Variants in NUP107 observed in about 807,000 individuals in gnomAD.
NUP107 encodes nuclear pore complex protein Nup107.
A neutral mutation model predicts 141.0 loss-of-function variants in NUP107; 101 were observed. The ratio of observed to expected loss-of-function variants is 0.72; its 90% CI spans 0.61 to 0.84. The LOEUF (loss-of-function observed/expected upper bound fraction) is 0.84. Ranked by LOEUF, NUP107 falls within the 40% of genes least tolerant of loss-of-function variation. The pLI is 0.00. For synonymous variants in NUP107, 319 were observed against 363.9 expected, an observed-to-expected ratio of 0.88 and a Z score of 1.41; for missense variants, 941 against 1,102.7, an observed-to-expected ratio of 0.85 and a Z score of 2.08.
intron 26 of NUP107, 73 bp downstream of exon 26, chr12:68,735,417 C>T: frequency 9.7e-7 from 1 of 1,033,736 alleles, no homozygotes; most frequent in East Asian, 2.4e-5. Context: ...TATTCTGTCT[C>T]TAAATGGGAG....
intron 3 of NUP107, 83 bp downstream of exon 3, chr12:68,689,702 G>A: frequency 1.1e-6 from 1 of 883,598 alleles, no homozygotes; most frequent in Non-Finnish European, 1.8e-6. Flanking sequence ...AATTAGTATA[G>A]TATTTGGTTA....
intron 7 of NUP107, among the ~76,000 whole-genome samples, chr12:68,701,766 T>G (rs1357147343): frequency 6.6e-6 from 1 of 152,174 alleles, no homozygotes; most frequent in African/African-American, 2.4e-5. Flanking sequence ...CATATTGTTA[T>G]ATGAAAACTG....
chr12:68,720,485 G>A (rs950301154), intron 14 of NUP107, among the ~76,000 whole-genome samples: 7 of 152,104 alleles, frequency 4.6e-5, no homozygotes, highest in Admixed American at 3.3e-4. Flanking sequence ...TGGACACTAA[G>A]TCATAAGGGT....
At chr12:68,736,717 C>CGTTTTTTTTTTTTTTT (rs1878083915) in intron 26 of NUP107, among the ~76,000 whole-genome samples, 1 of 105,894 alleles carries the variant, frequency 9.4e-6, no homozygotes, top group African/African-American at 3.8e-5. Context: ...GTGTCGCCAC[C>CGTTTTTTTTTTTTTTT]TTTTTTTTTT....
chr12:68,732,528 A>G (rs935916265), intron 22 of NUP107, 109 bp from the exon 23 acceptor site: 1 of 537,838 alleles, frequency 1.9e-6, no homozygotes, highest in African/African-American at 1.9e-5. Flanking sequence ...TTGAGAGAAA[A>G]TGATGTTTAC....
rs902143727 is a variant in NUP107, at chr12:68,736,713, C to T, written c.2502+1369C>T. ...ATTACAGGCATGAGTCAATGTGTCGCCACCTTTTTTTTTTTTTTTTTTTTT... is the reference window on the plus strand; with the variant it reads ...ATTACAGGCATGAGTCAATGTGTCGTCACCTTTTTTTTTTTTTTTTTTTTT... On this transcript the variant is annotated intron_variant, in intron 26 of 27. Coordinates refer to ENST00000229179, the MANE Select transcript of NUP107 (RefSeq NM_020401.4). 2.1e-5 allele frequency among the ~76,000 whole-genome samples: 3 copies of T among 142,262 alleles called. No homozygotes were observed. In the South Asian group the frequency reaches 6.8e-4, roughly 32 times the overall value. 93.3% of individuals were successfully genotyped at this position (142,262 alleles called of 152,430 possible).
At position 68,741,814 on chromosome 12, in the gene NUP107, A is replaced by T. The variant is rs777084246; in HGVS notation, c.2504A>T (p.Asp835Val). 1 of 1,610,114 alleles carries T rather than the reference A, an allele frequency of 6.2e-7. No individual in the cohort carries two copies. Among genetic ancestry groups the T allele is most frequent in the Non-Finnish European group, 8.5e-7 (1 of 1,178,578 alleles). The change falls in exon 27 of 28, where the codon GAT (aspartate) becomes GTT (valine). Residue 835 changes from aspartate to valine, a missense_variant and splice_region_variant. Coordinates refer to ENST00000229179, the MANE Select transcript of NUP107 (RefSeq NM_020401.4). Reference protein sequence around the residue: ...DGGWMVDVREDAKEDHERTHQ... With the variant: ...DGGWMVDVREVAKEDHERTHQ... ...TGATTTATTGATGTCTGTTTGTAGG[A>T]TGCCAAAGAAGACCATGAAAGAACA...
At position 68,691,977 on chromosome 12, in the gene NUP107, C is replaced by T. The variant is rs371390504; in HGVS notation, c.313C>T (p.Leu105=). ...FFGNLSMVTN[L]DDSNWAAAFS... is the part of the protein sequence containing the mutation. ...TTTGTTTTTTTTTAAGGTTACTAAT[C>T]TGGATGACAGTAACTGGGCAGCTGC... Residue 105 remains leucine (L), a synonymous_variant, in exon 5 of 28, where the codon CTG becomes TTG. Transcript: ENST00000229179. 48 of 1,594,018 alleles carry T rather than the reference C, an allele frequency of 3.0e-5. No individual in the cohort carries two copies. The highest frequency in any genetic ancestry group is 3.9e-5 in the Non-Finnish European group (46 of 1,174,576).
chr12:68,726,376 G>A, intron 18 of NUP107, 123 bp from the exon 19 acceptor site: 1 of 643,740 alleles, frequency 1.6e-6, no homozygotes, highest in Admixed American at 2.8e-5. Context: ...TTATATCATG[G>A]CTATTAATTA....
In NUP107 at chr12:68,719,353, T is replaced by C. The variant is rs778115712; in HGVS notation, c.1096T>C (p.Cys366Arg). ...AGMTEEAQRL[C>R]KRCGQAWRAA... Reference sequence around the variant, plus strand: ...CTTGTTTTCTAAGGCACAACGACTCTGTAAACGCTGTGGTCAAGCATGGAG... The same window carrying C: ...CTTGTTTTCTAAGGCACAACGACTCCGTAAACGCTGTGGTCAAGCATGGAG... Residue 366 changes from cysteine to arginine, a missense_variant, in exon 13 of 28, where the codon TGT becomes CGT. By Grantham distance (180) the Cys-to-Arg change is radical. Coordinates refer to ENST00000229179, the MANE Select transcript of NUP107 (RefSeq NM_020401.4). 2 of 1,614,098 alleles carry C rather than the reference T, an allele frequency of 1.2e-6. No individual in the cohort carries two copies. Among genetic ancestry groups the C allele is most frequent in the South Asian group, 1.1e-5 (1 of 91,080 alleles).
chr12:68,710,176 A>C, intron 10 of NUP107, 83 bp downstream of exon 10: 1 of 721,004 alleles, frequency 1.4e-6, no homozygotes, highest in Non-Finnish European at 2.4e-6. Context: ...TTCAGTTTTT[A>C]CTTTGTTCAC....
intron 8 of NUP107, chr12:68,706,724 G>T (rs1876599897): frequency 4.0e-6 from 3 of 754,636 alleles, no homozygotes; most frequent in South Asian, 1.3e-5. Flanking sequence ...GCAGGACATG[G>T]CACGGCAGCT....
intron 5 of NUP107, among the ~76,000 whole-genome samples, chr12:68,696,105 C>T (rs1290883903): frequency 2.0e-5 from 3 of 152,072 alleles, no homozygotes; most frequent in East Asian, 3.9e-4. Flanking sequence ...GTGGCTCACG[C>T]TTATAATCCC....
At chr12:68,726,019 T>G (rs1191140621) in intron 18 of NUP107, among the ~76,000 whole-genome samples, 2 of 152,066 alleles carry the variant, frequency 1.3e-5, no homozygotes, top group Non-Finnish European at 2.9e-5. Context: ...GTATTTTTAG[T>G]AGAGACGGGG....
intron 8 of NUP107, chr12:68,705,556 T>C (rs2136013149): frequency 5.1e-6 from 1 of 196,218 alleles, no homozygotes; most frequent in East Asian, 1.5e-4. Context: ...AAAAAAAGAA[T>C]CACCAAGAAG....
rs756512028 is a variant in NUP107 at position 68,691,955 on chromosome 12, G to GTT, written c.304-5_304-4dup. ...CACTTTTCTGTATTTTTACTTTTTT[G>GTT]TTTTTTTTTAAGGTTACTAATCTGG... On this transcript the variant is annotated splice_polypyrimidine_tract_variant and intron_variant, in intron 4 of 27. Coordinates refer to ENST00000229179, the MANE Select transcript of NUP107 (RefSeq NM_020401.4). The GTT allele has an allele frequency of 1.1e-5, 16 of 1,501,580 alleles. No individual in the cohort carries two copies. Among genetic ancestry groups the GTT allele is most frequent in the Admixed American group, 2.1e-5 (1 of 46,832 alleles). The allele number at this position is 1,501,580 out of a possible 1,614,324, so 93.0% of individuals were successfully genotyped here.
chr12:68,698,789 G>A (rs1389925973), intron 6 of NUP107, among the ~76,000 whole-genome samples: 3 of 152,158 alleles, frequency 2.0e-5, no homozygotes, highest in Non-Finnish European at 4.4e-5. Context: ...AGTTGCGAGG[G>A]AGCAATGAAT....
At chr12:68,709,424 G>T (rs1876743876) in intron 9 of NUP107, 115 bp downstream of exon 9, 4 of 572,472 alleles carry the variant, frequency 7.0e-6, no homozygotes, top group Admixed American at 6.5e-5. Flanking sequence ...TTTTCTACTT[G>T]ATCTTTTTAT....
chr12:68,700,711 G>A lies in NUP107; in HGVS notation c.553-15G>A. 6.4e-7 allele frequency: 1 copy of A among 1,562,524 alleles called. No individual in the cohort carries two copies. Among genetic ancestry groups the A allele is most frequent in the South Asian group, 1.2e-5 (1 of 81,036 alleles). On this transcript the variant is annotated splice_polypyrimidine_tract_variant and intron_variant, in intron 6 of 27. Transcript: ENST00000229179. Reference sequence around the variant, plus strand: ...GTAGAAAATTAACCTCTTTACATCTGTGTTTTTTATTCAGGTGAATATACT... The same window carrying A: ...GTAGAAAATTAACCTCTTTACATCTATGTTTTTTATTCAGGTGAATATACT...
Sources: gnomAD v4.1 joint callset for allele counts (sites outside exome capture counted in the v4.1 genomes callset) on GRCh38, gnomAD v4.1.1 for gene constraint, MANE v1.5 for transcripts, NCBI Gene and HGNC (gene_info 2026-07-23, HGNC 2026-07-21) for gene names.